Variants in RABGAP1 observed in about 807,000 individuals in gnomAD.
RABGAP1 encodes RAB GTPase activating protein 1.
A neutral mutation model predicts 137.6 loss-of-function variants in RABGAP1; 23 were observed. The ratio of observed to expected loss-of-function variants is 0.17; its 90% confidence interval spans 0.12 to 0.24. RABGAP1 has a LOEUF of 0.24. Among genes scored for constraint, RABGAP1 ranks in the 10% least tolerant of loss-of-function variants. RABGAP1 has a pLI of 1.00. For synonymous variants in RABGAP1, 451 were observed against 450.7 expected, an observed-to-expected ratio of 1.00 and a Z score of -0.01; for missense variants, 906 against 1,275.8, an observed-to-expected ratio of 0.71 and a Z score of 4.42.
chr9:122,989,919 C>A, intron 5 of RABGAP1, 137 bp from the exon 6 acceptor site: 1 of 1,039,124 alleles, frequency 9.6e-7, no homozygotes, highest in Non-Finnish European at 1.4e-6. Flanking sequence ...ATAGGCCTAA[C>A]AAATTAGGTA....
At position 122,957,091 on chromosome 9, in the gene RABGAP1, G is replaced by A. The variant is rs781423566; in HGVS notation, c.32G>A (p.Ser11Asn). 6.5e-7 allele frequency: 1 copy of A among 1,529,822 alleles called. No individual in the cohort carries two copies. Among genetic ancestry groups the A allele is most frequent in the Non-Finnish European group, 8.9e-7 (1 of 1,122,008 alleles). The allele number at this position is 1,529,822 out of a possible 1,614,324, so 94.8% of individuals were successfully genotyped here. A position where few individuals can be genotyped will look rare whatever the true frequency, so the allele number is the denominator to read the frequency against. Reference protein sequence around the residue: MDDKASVGKISVSSDSVSTLN... With the variant: MDDKASVGKINVSSDSVSTLN... ...GACAAGGCTTCTGTTGGAAAAATCA[G>A]TGTCTCTTCAGACTCAGTATCTACT... The change falls in exon 2 of 26, where the codon AGT (serine) becomes AAT (asparagine). Residue 11 changes from serine (S) to asparagine (N), a missense_variant. By Grantham distance (46) the Ser-to-Asn change is conservative (BLOSUM62 1). Around this residue, in one of 9 missense-constraint regions of RABGAP1, gnomAD observed 331 missense variants for 358.3 expected, o/e 0.92. Transcript: ENST00000373647.
chr9:123,090,632 A>G (rs536130445), intron 21 of RABGAP1, among the ~76,000 whole-genome samples: 2 of 152,294 alleles, frequency 1.3e-5, no homozygotes, highest in South Asian at 4.1e-4. Context: ...CCCAAACATC[A>G]TTTGATTAAG....
chr9:123,066,930 A>G (rs1230970444), intron 14 of RABGAP1, among the ~76,000 whole-genome samples: 1 of 152,236 alleles, frequency 6.6e-6, no homozygotes, highest in African/African-American at 2.4e-5. Flanking sequence ...ATTATTTATC[A>G]ATGTATTGTC....
At chr9:123,046,168 C>G (rs1273101766) in intron 13 of RABGAP1, among the ~76,000 whole-genome samples, 1 of 152,112 alleles carries the variant, frequency 6.6e-6, no homozygotes, top group African/African-American at 2.4e-5. Flanking sequence ...TAGTCCTATA[C>G]AAATCTCGGA....
At chr9:122,933,949 G>A in the RABGAP1 span, among the ~76,000 whole-genome samples, 1 of 150,598 alleles carries the variant, frequency 6.6e-6, no homozygotes, top group Non-Finnish European at 1.5e-5. Context: ...AAATTTTTTT[G>A]TAGAGACCGC....
chr9:123,073,877 G>A (rs1588379124), intron 16 of RABGAP1, among the ~76,000 whole-genome samples, 200 bp downstream of exon 16: 1 of 152,280 alleles, frequency 6.6e-6, no homozygotes, highest in East Asian at 1.9e-4. Flanking sequence ...TCATGGATGT[G>A]AGCTGATAAA....
chr9:122,975,755 C>T (rs1232611913), intron 2 of RABGAP1, among the ~76,000 whole-genome samples: 2 of 152,132 alleles, frequency 1.3e-5, no homozygotes, highest in Non-Finnish European at 2.9e-5. Context: ...CTGTAAAAAC[C>T]ACACGATACA....
chr9:123,056,634 G>A (rs532517850), intron 13 of RABGAP1, among the ~76,000 whole-genome samples: 63 of 150,798 alleles, frequency 4.2e-4, no homozygotes, highest in East Asian at 3.3e-3. Flanking sequence ...GCGGCCTTCC[G>A]CAGTGTTTGT....
intron 4 of RABGAP1, among the ~76,000 whole-genome samples, chr9:122,988,959 A>G (rs1023344026): frequency 4.6e-5 from 7 of 151,848 alleles, no homozygotes; most frequent in African/African-American, 1.7e-4. Flanking sequence ...AAAAAAAAAA[A>G]AGCACAGCTT....
chr9:122,965,307 A>T (rs1835080571), intron 2 of RABGAP1, among the ~76,000 whole-genome samples: 1 of 152,182 alleles, frequency 6.6e-6, no homozygotes, highest in African/African-American at 2.4e-5. Flanking sequence ...GTGGTTGCCT[A>T]GGGCTGGTTG....
intron 2 of RABGAP1, among the ~76,000 whole-genome samples, chr9:122,966,658 A>G (rs920511412): frequency 6.6e-6 from 1 of 152,232 alleles, no homozygotes; most frequent in African/African-American, 2.4e-5. Context: ...ATGAAGAGAA[A>G]TCAGCAGAAA....
At chr9:123,094,887 C>A (rs1036764966) in intron 21 of RABGAP1, among the ~76,000 whole-genome samples, 1 of 152,146 alleles carries the variant, frequency 6.6e-6, no homozygotes, top group Non-Finnish European at 1.5e-5. Context: ...ATATCCATTT[C>A]ATCTTAAGTA....
chr9:123,077,798 C>T (rs1212273019), intron 19 of RABGAP1, among the ~76,000 whole-genome samples: 3 of 151,982 alleles, frequency 2.0e-5, no homozygotes, highest in African/African-American at 4.8e-5. Flanking sequence ...TCCCTGGACT[C>T]ACTTATTTAG....
chr9:122,968,000 T>A (rs979372367), intron 2 of RABGAP1, among the ~76,000 whole-genome samples: 2 of 152,154 alleles, frequency 1.3e-5, no homozygotes, highest in African/African-American at 4.8e-5. Context: ...AGTGCTGGCA[T>A]TACAGGTGTG....
chr9:122,963,313 A>G (rs922045784), intron 2 of RABGAP1, among the ~76,000 whole-genome samples: 5 of 152,232 alleles, frequency 3.3e-5, no homozygotes, highest in African/African-American at 4.8e-5. Context: ...AGGCCAATCA[A>G]TAAGGAGATA....
At chr9:122,969,889 A>G (rs1355116522) in intron 2 of RABGAP1, among the ~76,000 whole-genome samples, 2 of 151,960 alleles carry the variant, frequency 1.3e-5, no homozygotes, top group African/African-American at 2.4e-5. Context: ...ATAAATTCCA[A>G]GGCTCTCGAG....
intron 24 of RABGAP1, among the ~76,000 whole-genome samples, chr9:123,101,016 C>T (rs2035329757): frequency 6.6e-6 from 1 of 152,142 alleles, no homozygotes; most frequent in Admixed American, 6.5e-5. Flanking sequence ...CTTAGAGGAA[C>T]ATAAAATGAC....
In RABGAP1 at chr9:123,103,554, T is replaced by A. The variant is rs1233330957; in HGVS notation, c.*341T>A. ...AGAGTTAGGGGATCCTTCAGTCTGT[T>A]GATTTTTTTTCTAAACCTTTTTTTT... is the stretch of plus-strand genomic sequence containing the variant. On this transcript the variant is annotated 3_prime_UTR_variant, in exon 26 of 26. Transcript: ENST00000373647. 7.0e-6 allele frequency: 1 copy of A among 143,100 alleles called. No individual in the cohort carries two copies. The highest frequency in any genetic ancestry group is 2.1e-4 in the East Asian group (1 of 4,734). 8.9% of individuals were successfully genotyped at this position (143,100 alleles called of 1,614,324 possible).
intron 4 of RABGAP1, among the ~76,000 whole-genome samples, chr9:122,987,683 T>G (rs1836442144): frequency 6.6e-6 from 1 of 152,148 alleles, no homozygotes; most frequent in Non-Finnish European, 1.5e-5. Flanking sequence ...GCTTTTATCT[T>G]TCAGAGAAAA....
Sources: allele counts gnomAD v4.1 joint callset (sites outside exome capture counted in the v4.1 genomes callset), GRCh38; gene constraint gnomAD v4.1.1; regional missense constraint gnomAD v4.1.1; transcripts MANE v1.5; gene names NCBI Gene and HGNC (gene_info 2026-07-23, HGNC 2026-07-21).